NSUN6: variants seen among roughly 807,000 people sequenced by gnomAD.
NSUN6 encodes the protein tRNA (cytosine(72)-C(5))-methyltransferase NSUN6.
A neutral mutation model predicts 58.0 loss-of-function variants in NSUN6; 64 were observed. That is an observed-to-expected ratio of 1.10 (90% confidence interval 0.90 to 1.36). The LOEUF (loss-of-function observed/expected upper bound fraction) is 1.36, where lower values mean the gene tolerates loss of function less well. Among genes scored for constraint, NSUN6 ranks in the 40% most tolerant of loss-of-function variants. NSUN6 has a pLI of 0.00. For missense variants in NSUN6, 701 were observed against 550.1 expected, an observed-to-expected ratio of 1.27 and a Z score of -2.74; for synonymous variants, 231 against 193.9, an observed-to-expected ratio of 1.19 and a Z score of -1.59.
chr10:18,644,232 C>T (rs2059473152), intron 2 of NSUN6, among the ~76,000 whole-genome samples: 1 of 152,144 alleles, frequency 6.6e-6, no homozygotes, highest in Non-Finnish European at 1.5e-5. Flanking sequence ...GGACATTTCA[C>T]ATAAATGGAA....
chr10:18,639,354 T>C (rs1479754602), intron 3 of NSUN6, among the ~76,000 whole-genome samples: 2 of 151,756 alleles, frequency 1.3e-5, no homozygotes, highest in African/African-American at 4.8e-5. Flanking sequence ...TGAAGCCAGG[T>C]GTGGTGGCAT....
At chr10:18,645,309 A>G (rs1420415654) in intron 2 of NSUN6, among the ~76,000 whole-genome samples, 2 of 152,234 alleles carry the variant, frequency 1.3e-5, no homozygotes, top group East Asian at 3.8e-4. Context: ...TAATGTATAT[A>G]AACTGTTTCC....
intron 3 of NSUN6, among the ~76,000 whole-genome samples, chr10:18,628,175 C>T (rs2131454394): frequency 6.6e-6 from 1 of 152,280 alleles, no homozygotes; most frequent in South Asian, 2.1e-4. Flanking sequence ...GGTACTCCAA[C>T]AGACCTGCAG....
chr10:18,624,104 T>C (rs1369738258), intron 3 of NSUN6, among the ~76,000 whole-genome samples: 1 of 151,920 alleles, frequency 6.6e-6, no homozygotes, highest in Non-Finnish European at 1.5e-5. Context: ...ATAATTCAAG[T>C]ACCACTGTAT....
rs534562054 is a variant in NSUN6 at position 18,586,397 on chromosome 10, T to C, written c.778-304A>G. ...GATGTTCAGATGTGTCTGGAGTTTC[T>C]TCCTTCCGGTCGGTTCATGGTCTCC... On this transcript the variant is annotated intron_variant, in intron 7 of 10. Transcript: ENST00000377304. 6.7e-4 allele frequency among the ~76,000 whole-genome samples: 102 copies of C among 152,300 alleles called. 1 individual carries two copies. In the South Asian group the frequency reaches 0.021, roughly 31 times the overall value.
At chr10:18,573,738 A>G (rs2056509735) in intron 8 of NSUN6, among the ~76,000 whole-genome samples, 1 of 152,140 alleles carries the variant, frequency 6.6e-6, no homozygotes, top group South Asian at 2.1e-4. Flanking sequence ...AAGCTTCAGT[A>G]TGTAAAGCCC....
chr10:18,601,289 A>G (rs1039422478), intron 6 of NSUN6, among the ~76,000 whole-genome samples: 1 of 152,070 alleles, frequency 6.6e-6, no homozygotes, highest in African/African-American at 2.4e-5. Context: ...ATTTTAGAAG[A>G]TATTTTGAAA....
chr10:18,584,427 G>C (rs150457020), intron 8 of NSUN6, among the ~76,000 whole-genome samples: 234 of 152,208 alleles, frequency 1.5e-3, no homozygotes, highest in African/African-American at 4.7e-3. Context: ...CCTTATTCTT[G>C]TTAATCAGAC....
chr10:18,598,835 C>T (rs1052171212), intron 6 of NSUN6, among the ~76,000 whole-genome samples: 1 of 152,068 alleles, frequency 6.6e-6, no homozygotes, highest in East Asian at 1.9e-4. Flanking sequence ...ACGTTTAAAG[C>T]GGCTAAAGAT....
chr10:18,582,881 C>G (rs2056967866), intron 8 of NSUN6, among the ~76,000 whole-genome samples: 1 of 152,150 alleles, frequency 6.6e-6, no homozygotes, highest in African/African-American at 2.4e-5. Context: ...TGACACTAAA[C>G]AAATAAGCAA....
At chr10:18,654,113 T>C (rs2059751422), upstream of NSUN6, among the ~76,000 whole-genome samples, 1 of 152,076 alleles carries the variant, frequency 6.6e-6, no homozygotes, top group Non-Finnish European at 1.5e-5. Flanking sequence ...AGGTGATCAC[T>C]GCCCTCGAGT....
At chr10:18,651,622 A>T (rs2059709120), upstream of NSUN6, 2 of 986,310 alleles carry the variant, frequency 2.0e-6, no homozygotes, top group South Asian at 9.3e-5. Flanking sequence ...TTCTCGGCGG[A>T]AAGTCGCTTC....
At chr10:18,611,135 G>A (rs2058218696) in intron 5 of NSUN6, among the ~76,000 whole-genome samples, 1 of 152,070 alleles carries the variant, frequency 6.6e-6, no homozygotes, top group South Asian at 2.1e-4. Context: ...GTTGGAGGAT[G>A]CAGTGAGTTA....
At chr10:18,595,606 G>T (rs959216631) in intron 7 of NSUN6, among the ~76,000 whole-genome samples, 1 of 152,106 alleles carries the variant, frequency 6.6e-6, no homozygotes, top group African/African-American at 2.4e-5. Context: ...TTGGGGCAAA[G>T]AAGAGTATAA....
At chr10:18,646,645 C>A (rs1053815829) in intron 2 of NSUN6, among the ~76,000 whole-genome samples, 1 of 152,292 alleles carries the variant, frequency 6.6e-6, no homozygotes, top group East Asian at 1.9e-4. Context: ...GAGTTCGAGA[C>A]CAGCCTAGCC....
At chr10:18,588,986 T>C (rs1254884723) in intron 7 of NSUN6, among the ~76,000 whole-genome samples, 2 of 152,154 alleles carry the variant, frequency 1.3e-5, no homozygotes, top group African/African-American at 4.8e-5. Flanking sequence ...TAAAGGAGCA[T>C]GTTCTAACCC....
At chr10:18,632,615 C>G (rs2059072796) in intron 3 of NSUN6, among the ~76,000 whole-genome samples, 1 of 152,060 alleles carries the variant, frequency 6.6e-6, no homozygotes, top group African/African-American at 2.4e-5. Flanking sequence ...AGACACTTCT[C>G]AAAAGAAGAC....
intron 6 of NSUN6, among the ~76,000 whole-genome samples, chr10:18,602,717 G>T (rs1159352221): frequency 2.0e-5 from 3 of 152,132 alleles, no homozygotes; most frequent in Non-Finnish European, 4.4e-5. Flanking sequence ...GCCTTTGGCA[G>T]TCCAGTCTCC....
chr10:18,563,755 CATTCCATTCTCCATTCCACTCT>C (rs2055720020), intron 8 of NSUN6, among the ~76,000 whole-genome samples: 1 of 150,444 alleles, frequency 6.6e-6, no homozygotes, highest in East Asian at 2.0e-4. Context: ...TTCTCCATAC[CATTCCATTCTCCATTCCACTCT>C]ATTCCATTCT....
Sources: allele counts gnomAD v4.1 joint callset (sites outside exome capture counted in the v4.1 genomes callset), GRCh38; gene constraint gnomAD v4.1.1; transcripts MANE v1.5; gene names NCBI Gene and HGNC (gene_info 2026-07-23, HGNC 2026-07-21).